CNGB1: variants seen among roughly 807,000 people sequenced by gnomAD.
CNGB1 encodes cyclic nucleotide gated channel subunit beta 1, also known as cyclic nucleotide-gated channel beta-1.
In CNGB1, 126 loss-of-function variants were observed where a neutral mutation model predicts 151.7. The observed-to-expected ratio is 0.83, with a 90% CI of 0.72 to 0.96. The LOEUF (loss-of-function observed/expected upper bound fraction) is 0.96. CNGB1 is among the 40% of genes least tolerant of loss of function. The pLI is 0.00. For missense variants in CNGB1, 1,698 were observed against 1,627.0 expected (o/e 1.04, Z -0.75); for synonymous variants, 623 against 635.1 (o/e 0.98, Z 0.29).
At chr16:57,964,736 A>G (rs1461801354) in intron 2 of CNGB1, among the ~76,000 whole-genome samples, 192 bp from the exon 3 acceptor site, 1 of 151,950 alleles carries the variant, frequency 6.6e-6, no homozygotes. Flanking sequence ...AGCCCCAGGG[A>G]CCCCTCATCT....
chr16:57,889,024 C>T (rs982393849), intron 31 of CNGB1, among the ~76,000 whole-genome samples: 3 of 152,136 alleles, frequency 2.0e-5, no homozygotes, highest in East Asian at 1.9e-4. Context: ...GGTCCCCTTC[C>T]CTTGAGGATG....
At chr16:57,929,514 A>G (rs366359) in intron 17 of CNGB1, among the ~76,000 whole-genome samples, 35,241 of 151,436 alleles carry the variant, frequency 0.23, 4,284 homozygotes, top group East Asian at 0.37. Context: ...ATTTATAAGG[A>G]AAAGAGGTTT....
At chr16:57,931,574 G>A in intron 17 of CNGB1, 142 bp downstream of exon 17, 1 of 934,858 alleles carries the variant, frequency 1.1e-6, no homozygotes, top group Non-Finnish European at 1.7e-6. Flanking sequence ...ACGAGGAAGG[G>A]GCATCATAGT....
chr16:57,882,636 C>T lies in CNGB1; in HGVS notation c.*1528G>A, dbSNP rs1959785329. On this transcript the variant is annotated 3_prime_UTR_variant, in exon 33 of 33. Transcript: ENST00000251102. ...GCAGGACCTATTGGAATTCCAGGTC[C>T]TTTATGTTCACTGTTGCAGGTGGAA... is the stretch of plus-strand genomic sequence containing the variant. 1 of 152,108 alleles carries T rather than the reference C, an allele frequency of 6.6e-6. No individual in the cohort carries two copies. Among genetic ancestry groups the T allele is most frequent in the Admixed American group, 6.5e-5 (1 of 15,278 alleles). 9.4% of individuals were successfully genotyped at this position (152,108 alleles called of 1,614,324 possible).
intron 17 of CNGB1, among the ~76,000 whole-genome samples, chr16:57,929,310 A>T (rs903468256): frequency 2.6e-5 from 4 of 152,262 alleles, no homozygotes; most frequent in African/African-American, 9.6e-5. Flanking sequence ...ACTACCTGAG[A>T]CTGGATAATT....
chr16:57,911,582 C>T (rs1424507342), intron 25 of CNGB1, among the ~76,000 whole-genome samples, 171 bp downstream of exon 25: 1 of 152,250 alleles, frequency 6.6e-6, no homozygotes, highest in Non-Finnish European at 1.5e-5. Context: ...AGCCACCACA[C>T]CCGGCCCAAG....
intron 16 of CNGB1, among the ~76,000 whole-genome samples, chr16:57,936,302 T>C (rs1424968345): frequency 6.6e-6 from 1 of 152,218 alleles, no homozygotes; most frequent in Non-Finnish European, 1.5e-5. Context: ...CAGTGGGTTC[T>C]GTCTGCAATC....
chr16:57,913,099 A>G, intron 23 of CNGB1, 105 bp from the exon 24 acceptor site: 2 of 1,025,906 alleles, frequency 1.9e-6, no homozygotes, highest in South Asian at 2.6e-5. Flanking sequence ...AGCCCCCAGG[A>G]GGGAACAGGA....
At chr16:57,960,111 G>A (rs1296161613) in intron 9 of CNGB1, 46 bp from the exon 10 acceptor site, 1 of 1,535,256 alleles carries the variant, frequency 6.5e-7, no homozygotes, top group East Asian at 2.4e-5. Context: ...TCCCTTGAGG[G>A]CTTCCTCCAA....
At chr16:57,890,709 C>A (rs545976945) in intron 31 of CNGB1, among the ~76,000 whole-genome samples, 1 of 152,216 alleles carries the variant, frequency 6.6e-6, no homozygotes, top group East Asian at 1.9e-4. Context: ...ACCCAGGTCC[C>A]CCATCTGCAA....
chr16:57,884,404 C>G lies in CNGB1; in HGVS notation c.3516G>C (p.Gln1172His). The change falls in exon 33 of 33, where the codon CAG becomes CAC. Residue 1172 changes from glutamine (Q) to histidine (H), a missense_variant. Physicochemically the swap from Gln to His is conservative, Grantham distance 24. Coordinates refer to ENST00000251102, the MANE Select transcript of CNGB1 (RefSeq NM_001297.5). Reference sequence around the variant, plus strand: ...TGGCGGCCTCCTTTGGGTGCGTGTGCTGGTCTGGGGCGGCGGAGCCTTCCT... The same window carrying G: ...TGGCGGCCTCCTTTGGGTGCGTGTGGTGGTCTGGGGCGGCGGAGCCTTCCT... ...KGEEGSAAPD[Q>H]HTHPKEAATD... 1 of 1,613,438 alleles carries G rather than the reference C, an allele frequency of 6.2e-7. No homozygotes were observed. Among genetic ancestry groups the G allele is most frequent in the South Asian group, 1.1e-5 (1 of 91,058 alleles).
At position 57,962,562 on chromosome 16, in the gene CNGB1, C is replaced by A. The variant is rs762293982; in HGVS notation, c.458+3G>T. ...ACAGTGACACTCAGGGATAGGGACT[C>A]ACCTAGTGTCTTGGGCCTCAAGGGC... On this transcript the variant is annotated splice_donor_region_variant and intron_variant, in intron 7 of 32. Transcript: ENST00000251102. 6.2e-7 allele frequency: 1 copy of A among 1,613,666 alleles called. No homozygotes were observed. The highest frequency in any genetic ancestry group is 8.5e-7 in the Non-Finnish European group (1 of 1,179,550).
At position 57,931,808 on chromosome 16, in the gene CNGB1, T is replaced by C. The variant is rs755279299; in HGVS notation, c.1443A>G (p.Ala481=). ...DTDADSCPLM[A]EENPPSTVLP... is the part of the protein sequence containing the mutation. Reference sequence around the variant, plus strand: ...ACACGGTTGAGGGTGGATTCTCTTCTGCCATGAGGGGGCAGCTATCAGCAT... The same window carrying C: ...ACACGGTTGAGGGTGGATTCTCTTCCGCCATGAGGGGGCAGCTATCAGCAT... Residue 481 remains alanine, a synonymous_variant, in exon 17 of 33, where the codon GCA becomes GCG. Transcript: ENST00000251102. 3.0e-5 allele frequency: 48 copies of C among 1,614,144 alleles called. No individual in the cohort carries two copies. In the East Asian group the frequency reaches 1.0e-3, roughly 34 times the overall value.
intron 25 of CNGB1, among the ~76,000 whole-genome samples, chr16:57,905,729 C>A (rs1285767650): frequency 2.6e-5 from 4 of 152,264 alleles, no homozygotes; most frequent in Non-Finnish European, 4.4e-5. Context: ...TTTCCACTTC[C>A]TTTGGCCCTT....
rs759077555 is a variant in CNGB1, at chr16:57,911,336, TG to T, written c.2492+416del. 3.3e-5 allele frequency among the ~76,000 whole-genome samples: 5 copies of T among 152,350 alleles called. No homozygotes were observed. The East Asian group carries it at 7.7e-4, about 24-fold the overall frequency. On this transcript the variant is annotated intron_variant, in intron 25 of 32. Coordinates refer to ENST00000251102, the MANE Select transcript of CNGB1 (RefSeq NM_001297.5). ...ATGGAGTTTCGCTCTTGTGTCAGGC[TG>T]GAATGCAATGGCACGATCTCGGCTC...
At chr16:57,949,311 C>T in intron 14 of CNGB1, 42 bp downstream of exon 14, 1 of 1,603,166 alleles carries the variant, frequency 6.2e-7, no homozygotes, top group Non-Finnish European at 8.5e-7. Context: ...CAGCCAACCC[C>T]AGCCCCAGGG....
At chr16:57,884,540 C>A in intron 32 of CNGB1, 83 bp from the exon 33 acceptor site, 1 of 1,501,072 alleles carries the variant, frequency 6.7e-7, no homozygotes, top group Admixed American at 1.8e-5. Flanking sequence ...CTGTTCCAGC[C>A]TTTTTGGACC....
At chr16:57,935,984 C>G (rs530256613) in intron 16 of CNGB1, among the ~76,000 whole-genome samples, 1 of 152,298 alleles carries the variant, frequency 6.6e-6, no homozygotes, top group Non-Finnish European at 1.5e-5. Flanking sequence ...CCTGGTTGGA[C>G]TGATCTCAGA....
At chr16:57,941,602 A>C (rs967700803) in intron 14 of CNGB1, among the ~76,000 whole-genome samples, 5 of 152,232 alleles carry the variant, frequency 3.3e-5, no homozygotes, top group Non-Finnish European at 4.4e-5. Flanking sequence ...ACAAAATCAT[A>C]TGATCATCTC....
Sources: gnomAD v4.1 joint callset for allele counts (sites outside exome capture counted in the v4.1 genomes callset) on GRCh38, gnomAD v4.1.1 for gene constraint, MANE v1.5 for transcripts, NCBI Gene and HGNC (gene_info 2026-07-23, HGNC 2026-07-21) for gene names.